MEIOB: variants seen among roughly 807,000 people sequenced by gnomAD.
MEIOB encodes the protein meiosis specific with OB-fold.
In MEIOB, 50 loss-of-function variants were observed where a neutral mutation model predicts 53.1. That is an observed-to-expected ratio of 0.94 (90% CI 0.75 to 1.19). The LOEUF is 1.19. MEIOB is among the 50% of genes most tolerant of loss of function. The probability of loss-of-function intolerance (pLI) is 0.00; values close to 1 mark genes in which losing one functional copy is unlikely to be tolerated. For synonymous variants in MEIOB, 192 were observed against 182.5 expected (o/e 1.05, Z -0.42); for missense variants, 551 against 550.8 (o/e 1.00, Z 0.00).
intron 2 of MEIOB, 57 bp from the exon 3 acceptor site, chr16:1,865,892 T>C: frequency 8.4e-7 from 1 of 1,188,132 alleles, no homozygotes; most frequent in Non-Finnish European, 1.2e-6. Flanking sequence ...ACTTGATAAA[T>C]TTAATTTCAT....
chr16:1,842,507 C>A (rs943111721), intron 10 of MEIOB, among the ~76,000 whole-genome samples: 9 of 150,282 alleles, frequency 6.0e-5, no homozygotes, highest in African/African-American at 2.2e-4. Context: ...CCTGTAATCC[C>A]AGCTACTCAG....
At position 1,848,113 on chromosome 16, in the gene MEIOB, A is replaced by AT. The variant is rs61352250; in HGVS notation, c.779-3151dup. On this transcript the variant is annotated intron_variant, in intron 9 of 13. Transcript: ENST00000325962. ...CAGGCACGCGCCACCATGCCCAGCT[A>AT]TTTTTTTTTAATTTTTTGTAGAGAT... 4.3e-3 allele frequency among the ~76,000 whole-genome samples: 653 copies of AT among 150,658 alleles called. 5 individuals are homozygous for AT. Among genetic ancestry groups the AT allele is most frequent in the African/African-American group, 0.014 (568 of 40,988 alleles).
chr16:1,862,179 G>C (rs1293247029), intron 3 of MEIOB, 63 bp from the exon 4 acceptor site: 2 of 1,345,570 alleles, frequency 1.5e-6, no homozygotes, highest in Non-Finnish European at 2.0e-6. Flanking sequence ...TCTGCCTTTT[G>C]ATAAGTGTTA....
At chr16:1,849,716 G>A (rs1371061662) in intron 9 of MEIOB, among the ~76,000 whole-genome samples, 5 of 151,828 alleles carry the variant, frequency 3.3e-5, no homozygotes, top group South Asian at 2.1e-4. Flanking sequence ...GTGCATTCTC[G>A]CGAGTATTCT....
intron 9 of MEIOB, among the ~76,000 whole-genome samples, chr16:1,852,496 C>T (rs1051097831): frequency 2.0e-5 from 3 of 151,570 alleles, no homozygotes; most frequent in Admixed American, 6.6e-5. Context: ...CTCTTGACCT[C>T]GTGAGCAGCC....
chr16:1,851,219 C>T (rs1468185939), intron 9 of MEIOB, among the ~76,000 whole-genome samples: 1 of 152,184 alleles, frequency 6.6e-6, no homozygotes, highest in Non-Finnish European at 1.5e-5. Context: ...AGAACAGCTC[C>T]TGCTGGCCTT....
chr16:1,868,279 G>C (rs897509975), intron 1 of MEIOB, 95 bp from the exon 2 acceptor site: 41 of 651,946 alleles, frequency 6.3e-5, no homozygotes, highest in Admixed American at 9.4e-5. Context: ...ATTTAGGGCC[G>C]GACATGGTGG....
At chr16:1,834,547 T>A (rs1300197741) in intron 13 of MEIOB, among the ~76,000 whole-genome samples, 181 bp from the exon 14 acceptor site, 3 of 152,244 alleles carry the variant, frequency 2.0e-5, no homozygotes, top group African/African-American at 7.2e-5. Flanking sequence ...GGAGTACAGT[T>A]AATTTACAGG....
chr16:1,860,677 T>G (rs1001693768), intron 4 of MEIOB, among the ~76,000 whole-genome samples: 9 of 152,206 alleles, frequency 5.9e-5, no homozygotes, highest in African/African-American at 2.2e-4. Flanking sequence ...TCTCCATATG[T>G]AACTAATATT....
rs1451587804 is a variant in MEIOB, at chr16:1,854,146, C to T, written c.583G>A (p.Glu195Lys). 1.3e-6 allele frequency: 2 copies of T among 1,551,246 alleles called. No homozygotes were observed. Among genetic ancestry groups the T allele is most frequent in the African/African-American group, 1.4e-5 (1 of 73,042 alleles). ...TCTGTTTCATCATAGAGTCTAACTT[C>T]ACACCTCTGGCCTTTTCTCCGGTCT... ...TSDRRKGQRC[E>K]VRLYDETESS... Residue 195 changes from glutamate to lysine, a missense_variant, in exon 7 of 14, where the codon GAA becomes AAA. By Grantham distance (56) the Glu-to-Lys change is moderately conservative. Transcript: ENST00000325962.
At chr16:1,856,737 G>C (rs1899316546) in intron 6 of MEIOB, among the ~76,000 whole-genome samples, 1 of 148,340 alleles carries the variant, frequency 6.7e-6, no homozygotes, top group African/African-American at 2.5e-5. Context: ...TAGGATTACA[G>C]GCATGAGCCA....
chr16:1,839,175 G>T, intron 12 of MEIOB, 80 bp downstream of exon 12: 8 of 1,428,774 alleles, frequency 5.6e-6, no homozygotes, highest in South Asian at 3.2e-5. Context: ...TCAAATGTTT[G>T]ACAAAACAAC....
chr16:1,859,912 C>T (rs556640715), intron 5 of MEIOB, among the ~76,000 whole-genome samples: 38 of 152,314 alleles, frequency 2.5e-4, no homozygotes, highest in African/African-American at 4.8e-4. Context: ...AGCTCCCTCC[C>T]GGCTCCTGCT....
At position 1,834,325 on chromosome 16, in the gene MEIOB, A is replaced by C; in HGVS notation, c.1347T>G (p.Ser449Arg). The change falls in exon 14 of 14, where the codon AGT (serine) becomes AGG (arginine). Residue 449 changes from serine (S) to arginine (R), a missense_variant. Physicochemically the swap from Ser to Arg is moderately radical, Grantham distance 110. Transcript: ENST00000325962. ...GATCTGCAAGCTTGCACGAGAGTAC[A>C]CTAATTTTCAATCCACTCCTTGCTC... ...SHRARSGLKI[S>R]VLSCKLADPT... The C allele has an allele frequency of 6.2e-7, 1 of 1,613,112 alleles. No homozygotes were observed. The highest frequency in any genetic ancestry group is 8.5e-7 in the Non-Finnish European group (1 of 1,179,156).
chr16:1,853,375 A>T, intron 7 of MEIOB, 104 bp from the exon 8 acceptor site: 2 of 925,860 alleles, frequency 2.2e-6, no homozygotes, highest in Non-Finnish European at 3.3e-6. Flanking sequence ...GGCTGGGGTC[A>T]GCCATCCCCA....
At chr16:1,862,257 TA>T (rs1220166459) in intron 3 of MEIOB, 141 bp from the exon 4 acceptor site, 1 of 655,374 alleles carries the variant, frequency 1.5e-6, no homozygotes, top group Non-Finnish European at 2.5e-6. Flanking sequence ...TTGATTATGA[TA>T]ATAAAAATAC....
intron 9 of MEIOB, among the ~76,000 whole-genome samples, chr16:1,851,237 T>C (rs1056271790): frequency 2.0e-5 from 3 of 152,190 alleles, no homozygotes; most frequent in Non-Finnish European, 4.4e-5. Flanking sequence ...CTTGAACTCC[T>C]GGGCTCCAGC....
rs551025868 is a variant in MEIOB at position 1,858,311 on chromosome 16, G to A, written c.333-381C>T. 2.0e-3 allele frequency among the ~76,000 whole-genome samples: 307 copies of A among 152,242 alleles called. 1 individual carries two copies. The highest frequency in any genetic ancestry group is 0.011 in the South Asian group (55 of 4,818). On this transcript the variant is annotated intron_variant, in intron 5 of 13. Coordinates refer to ENST00000325962, the MANE Select transcript of MEIOB (RefSeq NM_001163560.3). ...TGGCTGTTCTGCCTTAGTGCCTCAG[G>A]TCAGGGACTGTGTTTTTCCTACCCC...
chr16:1,860,398 CT>C lies in MEIOB; in HGVS notation c.332+4del. On this transcript the variant is annotated splice_donor_region_variant and intron_variant, in intron 5 of 13. Coordinates refer to ENST00000325962, the MANE Select transcript of MEIOB (RefSeq NM_001163560.3). ...GCACAATCTCTGTGCTAGACAGATG[CT>C]TACCTAGGAGTTGCAGGGCTGAATT... The C allele has an allele frequency of 6.7e-7, 1 of 1,487,324 alleles. No individual in the cohort carries two copies. Among genetic ancestry groups the C allele is most frequent in the Non-Finnish European group, 9.2e-7 (1 of 1,089,132 alleles). 92.1% of individuals were successfully genotyped at this position (1,487,324 alleles called of 1,614,324 possible).
Sources: allele counts gnomAD v4.1 joint callset (sites outside exome capture counted in the v4.1 genomes callset), GRCh38; gene constraint gnomAD v4.1.1; transcripts MANE v1.5; gene names NCBI Gene and HGNC (gene_info 2026-07-23, HGNC 2026-07-21).